The following IL6R variants were observed in gnomAD, a reference collection of about 807,000 sequenced individuals.
IL6R encodes interleukin-6 receptor subunit alpha.
In IL6R, 38 loss-of-function variants were observed where a neutral mutation model predicts 48.3. The ratio of observed to expected loss-of-function variants is 0.79; its 90% confidence interval spans 0.61 to 1.03. The LOEUF is 1.03. Among genes scored for constraint, IL6R ranks in the 50% least tolerant of loss-of-function variants. IL6R has a pLI of 0.00. For synonymous variants in IL6R, 264 were observed against 256.2 expected (o/e 1.03, Z -0.29); for missense variants, 534 against 618.3 (o/e 0.86, Z 1.45).
Position 154,465,167 on chromosome 1 carries a change from G to A in IL6R, c.1194G>A (p.Lys398=). 11 of 1,614,170 alleles carry A rather than the reference G, an allele frequency of 6.8e-6. No homozygotes were observed. The highest frequency in any genetic ancestry group is 9.3e-6 in the Non-Finnish European group (11 of 1,180,034). The change falls in exon 10 of 10, where the codon AAG becomes AAA. Residue 398 remains lysine, a synonymous_variant. Coordinates refer to ENST00000368485, the MANE Select transcript of IL6R (RefSeq NM_000565.4). ...FKKTWKLRAL[K]EGKTSMHPPY... is the part of the protein sequence containing the mutation. ...AGACGTGGAAGCTGCGGGCTCTGAA[G>A]GAAGGCAAGACAAGCATGCATCCGC...
chr1:154,414,903 G>T (rs1688245631), intron 1 of IL6R: 3 of 899,798 alleles, frequency 3.3e-6, no homozygotes, highest in Non-Finnish European at 5.4e-6. Context: ...AGCAGCATTT[G>T]AGCTGGGTCA....
chr1:154,414,655 T>A, intron 1 of IL6R: 1 of 847,302 alleles, frequency 1.2e-6, no homozygotes, highest in South Asian at 1.4e-5. Context: ...GGTGTAGCTC[T>A]TGGCGAGGAT....
At chr1:154,408,176 T>A (rs1474364136) in intron 1 of IL6R, among the ~76,000 whole-genome samples, 2 of 152,262 alleles carry the variant, frequency 1.3e-5, no homozygotes, top group African/African-American at 4.8e-5. Flanking sequence ...CTGGGGCATG[T>A]CCTTTTAAAC....
intron 2 of IL6R, 45 bp from the exon 3 acceptor site, chr1:154,430,438 A>T (rs1319332562): frequency 6.2e-7 from 1 of 1,605,984 alleles, no homozygotes; most frequent in East Asian, 2.2e-5. Context: ...AGTGCGCCCC[A>T]GGATCCCCGC....
chr1:154,433,364 ACT>A (rs1689416639), intron 3 of IL6R, among the ~76,000 whole-genome samples: 1 of 152,096 alleles, frequency 6.6e-6, no homozygotes, highest in African/African-American at 2.4e-5. Flanking sequence ...ATGGTGGCTG[ACT>A]CACCTCGAAT....
At chr1:154,448,038 G>T in intron 6 of IL6R, 87 bp from the exon 7 acceptor site, 2 of 1,105,286 alleles carry the variant, frequency 1.8e-6, no homozygotes, top group South Asian at 2.5e-5. Flanking sequence ...ACATTGAGAT[G>T]AACTTTTTTT....
At chr1:154,464,199 G>C (rs1432313957) in intron 9 of IL6R, among the ~76,000 whole-genome samples, 2 of 150,604 alleles carry the variant, frequency 1.3e-5, no homozygotes, top group African/African-American at 4.9e-5. Context: ...TTGTTGCCCA[G>C]GCTGAAGTGC....
chr1:154,412,156 C>CA (rs1167221990), intron 1 of IL6R, among the ~76,000 whole-genome samples: 3 of 151,858 alleles, frequency 2.0e-5, no homozygotes, highest in African/African-American at 7.3e-5. Context: ...ACTGTGTCAG[C>CA]CAGGAGAGTC....
rs377513803 is a variant in IL6R, at chr1:154,430,464, T to A, written c.335-19T>A. The A allele has an allele frequency of 5.0e-6, 8 of 1,611,752 alleles. No homozygotes were observed. The African/African-American group carries it at 1.1e-4, about 22-fold the overall frequency. On this transcript the variant is annotated intron_variant, in intron 2 of 9. Transcript: ENST00000368485. ...GGATCCCCGCCCGCCTGCTGACACC[T>A]GCAATGCTTTCCTTTCAGTTCCCCC...
chr1:154,422,477 T>C (rs958114612), intron 1 of IL6R, among the ~76,000 whole-genome samples: 2 of 152,306 alleles, frequency 1.3e-5, no homozygotes, highest in African/African-American at 4.8e-5. Context: ...TAAAGAAGAT[T>C]ACGATATGGA....
At chr1:154,413,423 C>T (rs1442928679) in intron 1 of IL6R, among the ~76,000 whole-genome samples, 1 of 152,206 alleles carries the variant, frequency 6.6e-6, no homozygotes, top group Admixed American at 6.5e-5. Flanking sequence ...GGATATATTC[C>T]CCGAAGGGGA....
intron 6 of IL6R, among the ~76,000 whole-genome samples, chr1:154,444,294 C>T (rs1465307926): frequency 6.6e-6 from 1 of 151,752 alleles, no homozygotes; most frequent in Non-Finnish European, 1.5e-5. Context: ...CCGCAACCTC[C>T]ACCTCCTGAG....
intron 9 of IL6R, among the ~76,000 whole-genome samples, chr1:154,459,508 ATGGG>A (rs1691118137): frequency 6.6e-6 from 1 of 152,194 alleles, no homozygotes; most frequent in Non-Finnish European, 1.5e-5. Flanking sequence ...CATGGTTACC[ATGGG>A]ATGGCCACAT....
intron 1 of IL6R, among the ~76,000 whole-genome samples, chr1:154,427,891 C>A (rs1318281428): frequency 6.6e-6 from 1 of 152,210 alleles, no homozygotes; most frequent in Non-Finnish European, 1.5e-5. Flanking sequence ...GGCAGAGAGC[C>A]TTGTGCTGCT....
intron 6 of IL6R, among the ~76,000 whole-genome samples, chr1:154,439,201 G>C (rs1216024544): frequency 6.6e-6 from 1 of 152,142 alleles, no homozygotes; most frequent in Non-Finnish European, 1.5e-5. Context: ...AGTTCAGATA[G>C]TCACAAGCAG....
intron 1 of IL6R, among the ~76,000 whole-genome samples, chr1:154,418,622 C>T (rs558839974): frequency 1.3e-5 from 2 of 152,300 alleles, no homozygotes; most frequent in Admixed American, 6.5e-5. Flanking sequence ...CTTGACTTGC[C>T]GTAGCCTGCG....
chr1:154,460,951 C>T (rs1010885918), intron 9 of IL6R, among the ~76,000 whole-genome samples: 14 of 152,180 alleles, frequency 9.2e-5, no homozygotes, highest in Non-Finnish European at 1.6e-4. Flanking sequence ...GTAGTGGCCC[C>T]GAACGTCTGG....
At chr1:154,457,967 C>CTTTTTTTTTTTTTTTTTT (rs1307922193) in intron 9 of IL6R, among the ~76,000 whole-genome samples, 1 of 91,698 alleles carries the variant, frequency 1.1e-5, no homozygotes, top group African/African-American at 3.1e-5. Context: ...TTTTCTTTTT[C>CTTTTTTTTTTTTTTTTTT]TTTTTTTTTT....
intron 5 of IL6R, among the ~76,000 whole-genome samples, chr1:154,435,743 G>A (rs986607100): frequency 1.3e-5 from 2 of 152,222 alleles, no homozygotes; most frequent in East Asian, 3.9e-4. Flanking sequence ...AAGGGTTGTG[G>A]CTTGCAGGAT....
Sources: allele counts gnomAD v4.1 joint callset (sites outside exome capture counted in the v4.1 genomes callset), GRCh38; gene constraint gnomAD v4.1.1; transcripts MANE v1.5; gene names NCBI Gene and HGNC (gene_info 2026-07-23, HGNC 2026-07-21).